Variants in PAPLN observed in about 807,000 individuals in gnomAD.
The protein encoded by PAPLN is papilin.
PAPLN carries 146 observed loss-of-function variants against 159.0 expected under a neutral mutation model. The observed-to-expected ratio is 0.92, with a 90% CI of 0.80 to 1.05. PAPLN has a LOEUF of 1.05. Among genes scored for constraint, PAPLN ranks in the 50% least tolerant of loss-of-function variants. The probability of loss-of-function intolerance (pLI) is 0.00; values close to 1 mark genes in which losing one functional copy is unlikely to be tolerated. For missense variants in PAPLN, 1,720 were observed against 1,743.9 expected (o/e 0.99, Z 0.24); for synonymous variants, 734 against 702.9 (o/e 1.04, Z -0.70).
intron 1 of PAPLN, among the ~76,000 whole-genome samples, chr14:73,238,277 C>T (rs1238103378): frequency 6.6e-6 from 1 of 152,230 alleles, no homozygotes; most frequent in Non-Finnish European, 1.5e-5. Flanking sequence ...CAGACGCGTT[C>T]CCCGGGAACA....
intron 14 of PAPLN, among the ~76,000 whole-genome samples, chr14:73,255,975 C>G (rs1221528341): frequency 1.3e-5 from 2 of 152,210 alleles, no homozygotes; most frequent in Non-Finnish European, 2.9e-5. Flanking sequence ...TCATGCAGCA[C>G]AACGCCTGAC....
intron 11 of PAPLN, among the ~76,000 whole-genome samples, 179 bp from the exon 12 acceptor site, chr14:73,253,575 C>T (rs730121): frequency 6.6e-6 from 1 of 152,164 alleles, no homozygotes; most frequent in African/African-American, 2.4e-5. Flanking sequence ...GAGAGCCAGG[C>T]CCGGTGGTGG....
chr14:73,260,857 C>G (rs987260580), intron 17 of PAPLN, 28 bp downstream of exon 17: 5 of 1,494,298 alleles, frequency 3.3e-6, no homozygotes, highest in Non-Finnish European at 4.4e-6. Context: ...GGGAGGGGAG[C>G]AGGGGGCCAG....
chr14:73,252,542 T>C, intron 10 of PAPLN, 107 bp from the exon 11 acceptor site: 1 of 1,417,094 alleles, frequency 7.1e-7, no homozygotes, highest in Non-Finnish European at 9.4e-7. Context: ...CATCTAAGAC[T>C]GAATGGGGAT....
Position 73,264,244 on chromosome 14 carries a change from C to A in PAPLN, c.2895C>A (p.Ile965=). The change falls in exon 21 of 27, where the codon ATC becomes ATA. Residue 965 remains isoleucine (I), a synonymous_variant. Coordinates refer to ENST00000644200, the MANE Select transcript of PAPLN (RefSeq NM_001365906.3). ...TGCAGTTCGACGGATCCCTGATCAT[C>A]CACCCCCTGCAGGCAGAGGACGCGG... ...HRLQFDGSLI[I]HPLQAEDAGT... 1 of 1,614,006 alleles carries A rather than the reference C, an allele frequency of 6.2e-7. No individual in the cohort carries two copies. The highest frequency in any genetic ancestry group is 8.5e-7 in the Non-Finnish European group (1 of 1,180,010).
intron 16 of PAPLN, among the ~76,000 whole-genome samples, chr14:73,259,889 G>A (rs549158532): frequency 2.4e-4 from 36 of 152,250 alleles, no homozygotes; most frequent in Non-Finnish European, 5.1e-4. Flanking sequence ...GGCTAGACGA[G>A]GGCCAACCAA....
In PAPLN at chr14:73,254,694, T is replaced by C. The variant is rs1356040216; in HGVS notation, c.1484T>C (p.Leu495Pro). ...DQAWHVGTWGLCSKSCSSGTR... is the reference protein window; with the variant it reads ...DQAWHVGTWGPCSKSCSSGTR... Reference sequence around the variant, plus strand: ...GCCTGGCATGTTGGCACCTGGGGTCTAGTGAGTGCTCTCCACCCCCACACC... The same window carrying C: ...GCCTGGCATGTTGGCACCTGGGGTCCAGTGAGTGCTCTCCACCCCCACACC... The change falls in exon 13 of 27, where the codon CTA becomes CCA. Residue 495 changes from leucine (L) to proline (P), a missense_variant and splice_region_variant. Transcript: ENST00000644200. 1.2e-6 allele frequency: 2 copies of C among 1,613,002 alleles called. No individual in the cohort carries two copies. Among genetic ancestry groups the C allele is most frequent in the Non-Finnish European group, 1.7e-6 (2 of 1,179,266 alleles).
chr14:73,272,329 C>T, intron 26 of PAPLN, 166 bp from the exon 27 acceptor site: 1 of 558,546 alleles, frequency 1.8e-6, no homozygotes, highest in Admixed American at 3.1e-5. Flanking sequence ...CATCATCCCT[C>T]ATAGAGTTTG....
chr14:73,247,813 T>C (rs1468248417), intron 5 of PAPLN, among the ~76,000 whole-genome samples: 1 of 107,422 alleles, frequency 9.3e-6, no homozygotes, highest in Admixed American at 1.2e-4. Flanking sequence ...TGTGTGTGTG[T>C]GTGTGTGTGT....
chr14:73,246,066 C>A lies in PAPLN; in HGVS notation c.232-7C>A. The A allele has an allele frequency of 6.5e-7, 1 of 1,533,436 alleles. No homozygotes were observed. Among genetic ancestry groups the A allele is most frequent in the Non-Finnish European group, 8.7e-7 (1 of 1,144,288 alleles). The allele number at this position is 1,533,436 out of a possible 1,614,324, so 95.0% of individuals were successfully genotyped here. On this transcript the variant is annotated splice_polypyrimidine_tract_variant and splice_region_variant and intron_variant, in intron 4 of 26. Transcript: ENST00000644200. ...TCCTGGATCCCGACTTCCCCTCCGC[C>A]CCGCAGAGCTGCCCCGACGGCGCCC...
At chr14:73,270,390 C>T (rs775857001) in intron 26 of PAPLN, among the ~76,000 whole-genome samples, 3 of 152,232 alleles carry the variant, frequency 2.0e-5, no homozygotes, top group Admixed American at 6.5e-5. Flanking sequence ...ATGTTCCCGC[C>T]GCTCGCAGCT....
At chr14:73,244,436 C>T in intron 2 of PAPLN, 1 of 524,112 alleles carries the variant, frequency 1.9e-6, no homozygotes, top group South Asian at 2.2e-5. Context: ...TGGCTCTCAG[C>T]TCCTTATGAG....
intron 25 of PAPLN, 22 bp from the exon 26 acceptor site, chr14:73,268,534 TC>T (rs766888137): frequency 1.9e-6 from 3 of 1,601,964 alleles, no homozygotes; most frequent in Non-Finnish European, 2.6e-6. Flanking sequence ...TTGATGGCTC[TC>T]CCAGTGTCCT....
upstream of PAPLN, among the ~76,000 whole-genome samples, chr14:73,236,830 G>T (rs1594766701): frequency 7.0e-6 from 1 of 143,434 alleles, no homozygotes; most frequent in African/African-American, 2.6e-5. Flanking sequence ...AAAAAAAAAA[G>T]AAAAGGAGGG....
chr14:73,247,798 G>C (rs1242746658), intron 5 of PAPLN, among the ~76,000 whole-genome samples: 97 of 8,616 alleles, frequency 0.011, no homozygotes, highest in East Asian at 0.043. Flanking sequence ...CTCTTATCCC[G>C]TGTGTGTGTG....
chr14:73,246,258 G>GACAACGCCTCTATAATA, intron 5 of PAPLN, 83 bp downstream of exon 5: 1 of 1,186,058 alleles, frequency 8.4e-7, no homozygotes, highest in Non-Finnish European at 1.2e-6. Flanking sequence ...TATTATAGAG[G>GACAACGCCTCTATAATA]CGTTGTCATA....
At chr14:73,239,559 A>G (rs1198511431) in intron 1 of PAPLN, 2 of 753,110 alleles carry the variant, frequency 2.7e-6, no homozygotes, top group Non-Finnish European at 3.9e-6. Flanking sequence ...CCAGTTGCGG[A>G]TGGGCCATTC....
chr14:73,272,421 T>C, intron 26 of PAPLN, 74 bp from the exon 27 acceptor site: 1 of 1,356,612 alleles, frequency 7.4e-7, no homozygotes, highest in Non-Finnish European at 9.9e-7. Flanking sequence ...TTGAAGGAAA[T>C]GAAATGGCAG....
chr14:73,263,889 C>T (rs1308599134), intron 20 of PAPLN, 107 bp downstream of exon 20: 19 of 1,231,948 alleles, frequency 1.5e-5, no homozygotes, highest in East Asian at 2.7e-5. Context: ...GTGTGACAGA[C>T]CCCCTCCTCC....
Sources: gnomAD v4.1 joint callset for allele counts (sites outside exome capture counted in the v4.1 genomes callset) on GRCh38, gnomAD v4.1.1 for gene constraint, MANE v1.5 for transcripts, NCBI Gene and HGNC (gene_info 2026-07-23, HGNC 2026-07-21) for gene names.